Variants in DYNC1I2 observed in about 807,000 individuals in gnomAD.
DYNC1I2 encodes cytoplasmic dynein 1 intermediate chain 2.
Under a neutral mutation model 88.6 loss-of-function variants are expected in DYNC1I2, and 53 were observed. The ratio of observed to expected loss-of-function variants is 0.60; its 90% CI spans 0.48 to 0.75. DYNC1I2 has a LOEUF of 0.75. Ranked by LOEUF, DYNC1I2 falls within the 30% of genes least tolerant of loss-of-function variation. The pLI is 0.00. For synonymous variants in DYNC1I2, 198 were observed against 254.6 expected, an observed-to-expected ratio of 0.78 and a Z score of 2.12; for missense variants, 458 against 766.6, an observed-to-expected ratio of 0.60 and a Z score of 4.75.
rs918583480 is a variant in DYNC1I2 at position 171,718,836 on chromosome 2, T to C, written c.511+3393T>C. On this transcript the variant is annotated intron_variant, in intron 7 of 17. Transcript: ENST00000397119. ...AGACACTTTACATCATCTGTAATGCTGTCACCAAAACCCTGAAAGTTAGGT... is the reference window on the plus strand; with the variant it reads ...AGACACTTTACATCATCTGTAATGCCGTCACCAAAACCCTGAAAGTTAGGT... 1.3e-4 allele frequency among the ~76,000 whole-genome samples: 20 copies of C among 152,304 alleles called. 1 individual carries two copies. Among genetic ancestry groups the C allele is most frequent in the African/African-American group, 4.8e-4 (20 of 41,550 alleles).
intron 12 of DYNC1I2, 132 bp downstream of exon 12, chr2:171,728,099 C>A (rs1187348146): frequency 8.6e-7 from 1 of 1,156,746 alleles, no homozygotes; most frequent in African/African-American, 1.6e-5. Context: ...ATTTAGCAAC[C>A]AAGAATGAAG....
intron 3 of DYNC1I2, among the ~76,000 whole-genome samples, chr2:171,698,952 G>A (rs1685997999): frequency 6.6e-6 from 1 of 151,800 alleles, no homozygotes; most frequent in Admixed American, 6.6e-5. Context: ...ACCCACCTCA[G>A]CCTCCCATAG....
At chr2:171,747,210 TATA>T (rs1559413670) in intron 17 of DYNC1I2, among the ~76,000 whole-genome samples, 1,214 of 70,122 alleles carry the variant, frequency 0.017, 16 homozygotes, top group African/African-American at 0.058. Flanking sequence ...AAAAAAATTA[TATA>T]TATATATATA....
At position 171,747,845 on chromosome 2, in the gene DYNC1I2, C is replaced by A; in HGVS notation, c.1873C>A (p.Arg625=). Residue 625 remains arginine (R), a synonymous_variant, in exon 18 of 18, where the codon CGA becomes AGA. Transcript: ENST00000397119. ...GRTLAEINAN[R]ADAEEEAATR... is the part of the protein sequence containing the mutation. ...AACACTTGCAGAAATTAATGCAAAC[C>A]GAGCTGATGCAGAGGAGGAAGCAGC... 4.3e-6 allele frequency: 7 copies of A among 1,611,104 alleles called. No homozygotes were observed. The highest frequency in any genetic ancestry group is 5.9e-6 in the Non-Finnish European group (7 of 1,179,390).
intron 17 of DYNC1I2, among the ~76,000 whole-genome samples, chr2:171,747,191 CAA>C (rs1168082428): frequency 2.6e-5 from 2 of 76,000 alleles, no homozygotes; most frequent in Non-Finnish European, 5.6e-5. Flanking sequence ...GGGACTGTCT[CAA>C]AAAAAAAAAA....
chr2:171,745,717 G>A, intron 16 of DYNC1I2, 85 bp from the exon 17 acceptor site: 1 of 1,401,406 alleles, frequency 7.1e-7, no homozygotes, highest in Non-Finnish European at 9.6e-7. Context: ...AATGTAGCCA[G>A]CTTGAGAGAA....
At chr2:171,703,823 G>A (rs900290507) in intron 3 of DYNC1I2, among the ~76,000 whole-genome samples, 1 of 152,156 alleles carries the variant, frequency 6.6e-6, no homozygotes, top group Non-Finnish European at 1.5e-5. Context: ...TTATTGTAAC[G>A]TGGACTGTGT....
chr2:171,734,170 A>C (rs2105734775), intron 15 of DYNC1I2, among the ~76,000 whole-genome samples: 1 of 152,040 alleles, frequency 6.6e-6, no homozygotes. Flanking sequence ...AGAATCTTTT[A>C]TCTATTTCTA....
chr2:171,699,682 G>A (rs1686085917), intron 3 of DYNC1I2, among the ~76,000 whole-genome samples: 3 of 151,612 alleles, frequency 2.0e-5, no homozygotes, highest in South Asian at 4.2e-4. Context: ...GTCTGTGGCC[G>A]AGACTGGAGT....
intron 5 of DYNC1I2, among the ~76,000 whole-genome samples, chr2:171,707,695 G>C (rs1053950462): frequency 2.0e-5 from 3 of 151,964 alleles, no homozygotes; most frequent in South Asian, 4.1e-4. Flanking sequence ...TGGTTATTAC[G>C]TGAATGTTTT....
At chr2:171,731,057 A>T (rs1244816689) in intron 15 of DYNC1I2, among the ~76,000 whole-genome samples, 1 of 152,230 alleles carries the variant, frequency 6.6e-6, no homozygotes, top group African/African-American at 2.4e-5. Context: ...AAGGAAACAG[A>T]TGCTTAACAC....
At chr2:171,735,242 A>C (rs1206774765) in intron 15 of DYNC1I2, among the ~76,000 whole-genome samples, 1 of 152,222 alleles carries the variant, frequency 6.6e-6, no homozygotes, top group African/African-American at 2.4e-5. Context: ...ACAGCTAGCC[A>C]CTAATCTTCG....
chr2:171,747,293 A>G (rs1193430568), intron 17 of DYNC1I2, among the ~76,000 whole-genome samples: 2 of 150,556 alleles, frequency 1.3e-5, no homozygotes, highest in Non-Finnish European at 1.5e-5. Flanking sequence ...GTGCAGCACT[A>G]AAGTGGTAAA....
rs1191108470 is a variant in DYNC1I2, at chr2:171,748,297, A to G, written c.*408A>G. ...CTCACTACCCATAATATGTAGGAAC[A>G]TTGTTTCTCCTTAGCCGTAGTATGC... On this transcript the variant is annotated 3_prime_UTR_variant, in exon 18 of 18. Transcript: ENST00000397119. The G allele has an allele frequency of 6.5e-6, 1 of 154,316 alleles. No individual in the cohort carries two copies. Among genetic ancestry groups the G allele is most frequent in the Non-Finnish European group, 1.4e-5 (1 of 69,888 alleles). 9.6% of individuals were successfully genotyped at this position (154,316 alleles called of 1,614,324 possible).
intron 7 of DYNC1I2, among the ~76,000 whole-genome samples, chr2:171,715,837 A>G (rs906762979): frequency 1.2e-4 from 19 of 152,318 alleles, no homozygotes; most frequent in African/African-American, 4.6e-4. Context: ...CATGTAAATT[A>G]TTTCTGAAAA....
intron 15 of DYNC1I2, among the ~76,000 whole-genome samples, chr2:171,734,768 T>C (rs1001452527): frequency 6.6e-6 from 1 of 152,256 alleles, no homozygotes; most frequent in African/African-American, 2.4e-5. Flanking sequence ...GTGGCTCCAG[T>C]GTCAATTTAC....
chr2:171,730,071 C>T (rs557368644), intron 15 of DYNC1I2, among the ~76,000 whole-genome samples: 1 of 152,254 alleles, frequency 6.6e-6, no homozygotes, highest in Non-Finnish European at 1.5e-5. Context: ...AATCAAGGAC[C>T]AGTCTTCCCA....
chr2:171,704,495 T>C (rs1686521612), intron 3 of DYNC1I2, among the ~76,000 whole-genome samples: 1 of 152,202 alleles, frequency 6.6e-6, no homozygotes, highest in Non-Finnish European at 1.5e-5. Flanking sequence ...TTAGGCTGTT[T>C]ATGTGCAGAA....
intron 1 of DYNC1I2, chr2:171,688,206 C>T (rs537129941): frequency 6.6e-6 from 1 of 152,362 alleles, no homozygotes; most frequent in South Asian, 2.1e-4. Flanking sequence ...CAAATTAAGG[C>T]CATCTCTACT....
Sources: gnomAD v4.1 joint callset for allele counts (sites outside exome capture counted in the v4.1 genomes callset) on GRCh38, gnomAD v4.1.1 for gene constraint, MANE v1.5 for transcripts, NCBI Gene and HGNC (gene_info 2026-07-23, HGNC 2026-07-21) for gene names.